CPXM2: variants seen among roughly 807,000 people sequenced by gnomAD.
The protein encoded by CPXM2 is inactive carboxypeptidase-like protein X2.
Under a neutral mutation model 86.1 loss-of-function variants are expected in CPXM2, and 66 were observed. The observed-to-expected ratio is 0.77, with a 90% confidence interval of 0.63 to 0.94. The LOEUF is 0.94. CPXM2 is among the 40% of genes least tolerant of loss of function. The pLI is 0.00. For missense variants in CPXM2, 948 were observed against 1,026.3 expected, an observed-to-expected ratio of 0.92 and a Z score of 1.04; for synonymous variants, 388 against 400.2, an observed-to-expected ratio of 0.97 and a Z score of 0.36.
At chr10:123,810,975 C>T (rs951038224) in intron 4 of CPXM2, among the ~76,000 whole-genome samples, 11 of 151,976 alleles carry the variant, frequency 7.2e-5, no homozygotes, top group Non-Finnish European at 1.5e-4. Context: ...ATTGAGAGCC[C>T]AGAAACAGAC....
At chr10:123,938,549 A>G (rs1945744603) in intron 2 of CPXM2, among the ~76,000 whole-genome samples, 1 of 152,200 alleles carries the variant, frequency 6.6e-6, no homozygotes, top group South Asian at 2.1e-4. Context: ...AGATGTCTTC[A>G]TAGCTCATTG....
intron 2 of CPXM2, among the ~76,000 whole-genome samples, chr10:123,909,906 T>A (rs902663321): frequency 1.3e-5 from 2 of 152,044 alleles, no homozygotes; most frequent in African/African-American, 4.8e-5. Flanking sequence ...CAACATTTAG[T>A]CCCTCCATGC....
In CPXM2 at chr10:123,757,388, A is replaced by G. The variant is rs577826186; in HGVS notation, c.1778-36T>C. ...AACCGGACAACACTTTAACTGAACA[A>G]TACTCAAAATGGCACTGGGGAATGC... On this transcript the variant is annotated intron_variant, in intron 11 of 13. Transcript: ENST00000241305. 1.1e-5 allele frequency: 18 copies of G among 1,587,778 alleles called. No homozygotes were observed. The South Asian group carries it at 1.9e-4, about 17-fold the overall frequency.
chr10:123,819,422 G>A (rs1285661434), intron 4 of CPXM2, among the ~76,000 whole-genome samples: 1 of 152,220 alleles, frequency 6.6e-6, no homozygotes. Context: ...ATGGGTAATA[G>A]AAGAAGGTAG....
chr10:123,836,092 C>A (rs570157816), intron 4 of CPXM2, among the ~76,000 whole-genome samples: 5 of 152,248 alleles, frequency 3.3e-5, no homozygotes, highest in Non-Finnish European at 7.4e-5. Flanking sequence ...CATCTCCTCT[C>A]CCGACCCTTG....
chr10:123,856,624 T>G (rs1848729922), intron 3 of CPXM2, among the ~76,000 whole-genome samples: 1 of 151,698 alleles, frequency 6.6e-6, no homozygotes, highest in East Asian at 2.0e-4. Flanking sequence ...CAGAGTCTCA[T>G]CCTCTCGCCC....
chr10:123,789,763 G>A (rs778689518), intron 6 of CPXM2, among the ~76,000 whole-genome samples: 12 of 152,130 alleles, frequency 7.9e-5, no homozygotes, highest in South Asian at 4.1e-4. Context: ...CTGCTGCGTC[G>A]TTCCCCTATT....
At chr10:123,872,720 A>C (rs1944913482) in intron 2 of CPXM2, among the ~76,000 whole-genome samples, 1 of 152,158 alleles carries the variant, frequency 6.6e-6, no homozygotes, top group South Asian at 2.1e-4. Context: ...TGCCTCATTG[A>C]AAAATAAAGA....
intron 2 of CPXM2, among the ~76,000 whole-genome samples, chr10:123,868,289 T>C (rs973202106): frequency 6.6e-6 from 1 of 152,194 alleles, no homozygotes; most frequent in Admixed American, 6.5e-5. Flanking sequence ...CCCTGGTCTT[T>C]GGACCCCAGC....
chr10:123,808,359 AAACAACAACAACAAC>A (rs57892592), intron 4 of CPXM2, among the ~76,000 whole-genome samples: 1 of 150,176 alleles, frequency 6.7e-6, no homozygotes, highest in African/African-American at 2.5e-5. Context: ...GGGCAAACAA[AAACAACAACAACAAC>A]AACAACAACA....
chr10:123,845,736 A>T (rs940154046), intron 3 of CPXM2, among the ~76,000 whole-genome samples: 1 of 152,214 alleles, frequency 6.6e-6, no homozygotes, highest in African/African-American at 2.4e-5. Flanking sequence ...TACACATAAT[A>T]AACTAATATA....
chr10:123,768,076 A>C (rs1222310901), intron 9 of CPXM2, among the ~76,000 whole-genome samples: 1 of 152,222 alleles, frequency 6.6e-6, no homozygotes, highest in African/African-American at 2.4e-5. Context: ...TCCCTGCCTC[A>C]GCAGAGACAC....
At chr10:123,767,763 C>T (rs969107084) in intron 9 of CPXM2, among the ~76,000 whole-genome samples, 2 of 152,126 alleles carry the variant, frequency 1.3e-5, no homozygotes, top group East Asian at 3.9e-4. Context: ...ATTCTATGCA[C>T]ACCTATAACC....
intron 2 of CPXM2, among the ~76,000 whole-genome samples, chr10:123,870,134 T>TG (rs1944866844): frequency 6.6e-6 from 1 of 152,188 alleles, no homozygotes; most frequent in African/African-American, 2.4e-5. Context: ...CCCCAACAGA[T>TG]GGGCATCGTC....
chr10:123,911,513 CATTAGT>C (rs1272146251), intron 2 of CPXM2, among the ~76,000 whole-genome samples: 6 of 151,240 alleles, frequency 4.0e-5, no homozygotes, highest in Non-Finnish European at 7.4e-5. Context: ...TGGGTTTTGC[CATTAGT>C]TTTAAAGGCA....
chr10:123,935,081 T>C (rs1414714650), intron 2 of CPXM2, among the ~76,000 whole-genome samples: 1 of 152,108 alleles, frequency 6.6e-6, no homozygotes, highest in Non-Finnish European at 1.5e-5. Context: ...CCTGTCTTGG[T>C]CTCCTCTGCA....
At chr10:123,824,680 C>T (rs1240183421) in intron 4 of CPXM2, among the ~76,000 whole-genome samples, 1 of 152,212 alleles carries the variant, frequency 6.6e-6, no homozygotes, top group Non-Finnish European at 1.5e-5. Context: ...CAAAGACTTG[C>T]TCTGCCACAT....
chr10:123,926,397 C>T (rs1945621991), intron 2 of CPXM2, among the ~76,000 whole-genome samples: 1 of 152,226 alleles, frequency 6.6e-6, no homozygotes, highest in Non-Finnish European at 1.5e-5. Flanking sequence ...TCTACCATGG[C>T]ACCTAGCACA....
At chr10:123,758,506 C>A (rs1023797789) in intron 11 of CPXM2, among the ~76,000 whole-genome samples, 4 of 152,184 alleles carry the variant, frequency 2.6e-5, no homozygotes, top group African/African-American at 4.8e-5. Context: ...CCAGGTAACA[C>A]AGGGTGACCC....
Sources: allele counts gnomAD v4.1 joint callset (sites outside exome capture counted in the v4.1 genomes callset), GRCh38; gene constraint gnomAD v4.1.1; transcripts MANE v1.5; gene names NCBI Gene and HGNC (gene_info 2026-07-23, HGNC 2026-07-21).